The following RASA3 variants were observed in gnomAD, a reference collection of about 807,000 sequenced individuals.
The protein encoded by RASA3 is RAS p21 protein activator 3, also known as ras GTPase-activating protein 3.
In RASA3, 73 loss-of-function variants were observed where a neutral mutation model predicts 110.0. The ratio of observed to expected loss-of-function variants is 0.66; its 90% CI spans 0.55 to 0.81. The LOEUF is 0.81. Among genes scored for constraint, RASA3 ranks in the 30% least tolerant of loss-of-function variants. RASA3 has a pLI of 0.00. For missense variants in RASA3, 976 were observed against 1,113.2 expected, an observed-to-expected ratio of 0.88 and a Z score of 1.75; for synonymous variants, 500 against 451.4, an observed-to-expected ratio of 1.11 and a Z score of -1.37.
intron 5 of RASA3, among the ~76,000 whole-genome samples, chr13:114,029,522 G>A (rs74986716): frequency 9.1e-5 from 11 of 120,950 alleles, no homozygotes; most frequent in Non-Finnish European, 1.0e-4. Context: ...CCTCTAAAAC[G>A]GCGTCATCCT....
chr13:114,016,729 G>C (rs1196475500), intron 12 of RASA3, among the ~76,000 whole-genome samples: 1 of 152,216 alleles, frequency 6.6e-6, no homozygotes, highest in Non-Finnish European at 1.5e-5. Flanking sequence ...CCATGATTTT[G>C]CCCACAGAGC....
intron 4 of RASA3, among the ~76,000 whole-genome samples, chr13:114,037,193 G>A (rs1298526976): frequency 6.6e-6 from 1 of 152,160 alleles, no homozygotes; most frequent in East Asian, 1.9e-4. Context: ...TTACAGCTTT[G>A]TGGAGATGCA....
At chr13:114,018,975 G>C in intron 9 of RASA3, 56 bp from the exon 10 acceptor site, 1 of 1,603,838 alleles carries the variant, frequency 6.2e-7, no homozygotes, top group Non-Finnish European at 8.5e-7. Context: ...CCAAGGAGCA[G>C]CTCTCAGGGA....
At chr13:114,080,195 C>T (rs889941700) in intron 1 of RASA3, among the ~76,000 whole-genome samples, 1 of 152,166 alleles carries the variant, frequency 6.6e-6, no homozygotes, top group African/African-American at 2.4e-5. Flanking sequence ...CATGCTCCTC[C>T]CTCAAGAGGA....
At chr13:113,980,478 C>G (rs933924448) in intron 23 of RASA3, among the ~76,000 whole-genome samples, 1 of 127,192 alleles carries the variant, frequency 7.9e-6, no homozygotes, top group Non-Finnish European at 1.7e-5. Context: ...TGTGTGTGCA[C>G]CTCCTGCCAT....
rs1311278781 is a variant in RASA3 at position 113,981,588 on chromosome 13, C to G, written c.2429+87G>C. 4.7e-6 allele frequency: 7 copies of G among 1,480,532 alleles called. No homozygotes were observed. The African/African-American group carries it at 9.7e-5, about 20-fold the overall frequency. 91.7% of individuals were successfully genotyped at this position (1,480,532 alleles called of 1,614,324 possible). A position where few individuals can be genotyped will look rare whatever the true frequency, so the allele number is the denominator to read the frequency against. On this transcript the variant is annotated intron_variant, in intron 23 of 23. Transcript: ENST00000334062. ...GGACACCTGAGCACGGGCGGCCCCA[C>G]CCGGGAGCTCCCTGCAGCCCCACCC...
At chr13:114,030,433 AAGGCTCACACAGAGG>A (rs2054131769) in intron 4 of RASA3, among the ~76,000 whole-genome samples, 1 of 74,676 alleles carries the variant, frequency 1.3e-5, no homozygotes, top group African/African-American at 3.8e-5. Flanking sequence ...CACAGAGGGC[AAGGCTCACACAGAGG>A]GCAAGGCTCA....
intron 1 of RASA3, among the ~76,000 whole-genome samples, chr13:114,127,771 C>T (rs994940287): frequency 6.6e-6 from 1 of 152,136 alleles, no homozygotes; most frequent in Non-Finnish European, 1.5e-5. Flanking sequence ...AATTAATGGA[C>T]AATACTAAGT....
intron 1 of RASA3, among the ~76,000 whole-genome samples, chr13:114,102,105 A>G (rs1171627269): frequency 1.3e-5 from 2 of 152,212 alleles, no homozygotes; most frequent in African/African-American, 4.8e-5. Context: ...GTGCAAATGC[A>G]CTTGACCTCC....
intron 2 of RASA3, among the ~76,000 whole-genome samples, chr13:114,071,474 C>CT (rs1172004262): frequency 3.3e-5 from 5 of 152,342 alleles, no homozygotes; most frequent in African/African-American, 1.2e-4. Context: ...CCATAGGCCT[C>CT]TAACAACAGA....
At chr13:114,064,843 G>C (rs2079418955) in intron 2 of RASA3, among the ~76,000 whole-genome samples, 1 of 152,348 alleles carries the variant, frequency 6.6e-6, no homozygotes, top group East Asian at 1.9e-4. Flanking sequence ...CTCACCGCCC[G>C]AGGGCTCTGG....
rs185068843 is a variant in RASA3 at position 114,104,569 on chromosome 13, C to T, written c.55+27866G>A. Among the ~76,000 whole-genome samples the T allele has an allele frequency of 3.3e-4, 51 of 152,282 alleles. 1 individual carries two copies. The East Asian group carries it at 9.1e-3, about 27-fold the overall frequency. On this transcript the variant is annotated intron_variant, in intron 1 of 23. Transcript: ENST00000334062. ...CCAGCGCAATTACAGGGCGAGCATCCGATGCCCTCCTAGTGGGCCGGCCAC... is the reference window on the plus strand; with the variant it reads ...CCAGCGCAATTACAGGGCGAGCATCTGATGCCCTCCTAGTGGGCCGGCCAC...
At chr13:114,025,574 T>A (rs1594343862) in intron 7 of RASA3, among the ~76,000 whole-genome samples, 1 of 152,216 alleles carries the variant, frequency 6.6e-6, no homozygotes, top group South Asian at 2.1e-4. Context: ...GCTGGCCTGG[T>A]GTGGTGGCCT....
intron 3 of RASA3, among the ~76,000 whole-genome samples, chr13:114,042,627 T>G (rs117672657): frequency 0.11 from 16,505 of 152,300 alleles, 1,169 homozygotes; most frequent in Middle Eastern, 0.18. Context: ...CTGGGCCTCC[T>G]ACCCGGCCAC....
At chr13:114,016,135 G>A (rs2139288988) in intron 13 of RASA3, 62 bp downstream of exon 13, 1 of 1,433,764 alleles carries the variant, frequency 7.0e-7, no homozygotes, top group Non-Finnish European at 9.8e-7. Context: ...CTTCCAGGCA[G>A]CCATCGGCTG....
intron 2 of RASA3, among the ~76,000 whole-genome samples, chr13:114,070,898 G>C (rs1346225010): frequency 7.5e-6 from 1 of 133,076 alleles, no homozygotes; most frequent in African/African-American, 3.0e-5. Flanking sequence ...CACGCTAAAC[G>C]GCGCCACAGT....
rs143608293 is a variant in RASA3, at chr13:114,091,010, G to C, written c.56-17173C>G. The stretch of plus-strand genomic sequence containing the variant: ...CATGGTAGAAAACTTTCAACTATAG[G>C]AGTCCAAGATTAAAAATTAAGAGTA... On this transcript the variant is annotated intron_variant, in intron 1 of 23. Coordinates refer to ENST00000334062, the MANE Select transcript of RASA3 (RefSeq NM_007368.4). 3.9e-5 allele frequency among the ~76,000 whole-genome samples: 6 copies of C among 152,296 alleles called. 1 individual carries two copies. The highest frequency in any genetic ancestry group is 1.4e-4 in the African/African-American group (6 of 41,556).
chr13:114,132,484 C>A lies in RASA3; in HGVS notation c.6G>T (p.Ala2=). The A allele has an allele frequency of 6.7e-7, 1 of 1,486,376 alleles. No homozygotes were observed. The highest frequency in any genetic ancestry group is 8.9e-7 in the Non-Finnish European group (1 of 1,122,300). 92.1% of individuals were successfully genotyped at this position (1,486,376 alleles called of 1,614,324 possible). A position where few individuals can be genotyped will look rare whatever the true frequency, so the allele number is the denominator to read the frequency against. M[A]VEDEGLRVFQ... is the part of the protein sequence containing the mutation. Reference sequence around the variant, plus strand: ...AGACCCGGAGCCCCTCGTCCTCCACCGCCATGCTGCGCGTCCGCGCCCGCC... The same window carrying A: ...AGACCCGGAGCCCCTCGTCCTCCACAGCCATGCTGCGCGTCCGCGCCCGCC... Residue 2 remains alanine (A), a synonymous_variant, in exon 1 of 24, where the codon GCG becomes GCT. Transcript: ENST00000334062.
intron 10 of RASA3, 64 bp from the exon 11 acceptor site, chr13:114,018,316 A>C: frequency 6.7e-7 from 1 of 1,491,854 alleles, no homozygotes; most frequent in Non-Finnish European, 9.0e-7. Context: ...GCCTGTCCCC[A>C]CCTTGGCTGG....
Sources: gnomAD v4.1 joint callset for allele counts (sites outside exome capture counted in the v4.1 genomes callset) on GRCh38, gnomAD v4.1.1 for gene constraint, MANE v1.5 for transcripts, NCBI Gene and HGNC (gene_info 2026-07-23, HGNC 2026-07-21) for gene names.